The following SYDE2 variants were observed in gnomAD, a reference collection of about 807,000 sequenced individuals.
SYDE2 encodes rho GTPase-activating protein SYDE2.
A neutral mutation model predicts 91.5 loss-of-function variants in SYDE2; 76 were observed. That is an observed-to-expected ratio of 0.83 (90% CI 0.69 to 1.01). The LOEUF (loss-of-function observed/expected upper bound fraction) is 1.01. SYDE2 is among the 50% of genes least tolerant of loss of function. SYDE2 has a pLI of 0.00. For missense variants in SYDE2, 1,364 were observed against 1,367.7 expected, an observed-to-expected ratio of 1.00 and a Z score of 0.04; for synonymous variants, 513 against 506.4, an observed-to-expected ratio of 1.01 and a Z score of -0.18.
rs2100702020 is a variant in SYDE2 at position 85,200,426 on chromosome 1, G to C, written c.571C>G (p.Leu191Val). 6.2e-7 allele frequency: 1 copy of C among 1,614,040 alleles called. No individual in the cohort carries two copies. Among genetic ancestry groups the C allele is most frequent in the Non-Finnish European group, 8.5e-7 (1 of 1,179,912 alleles). ...LRPPAVTVKK[L>V]QKWMYKGRLL... ...CGCCCTTTGTACATCCACTTCTGCAGCTTCTTGACTGTCACTGCCGGCGGC... is the reference window on the plus strand; with the variant it reads ...CGCCCTTTGTACATCCACTTCTGCACCTTCTTGACTGTCACTGCCGGCGGC... Residue 191 changes from leucine (L) to valine (V), a missense_variant, in exon 1 of 7, where the codon CTG (leucine) becomes GTG (valine). By Grantham distance (32) the Leu-to-Val change is conservative (BLOSUM62 1). Transcript: ENST00000341460.
At chr1:85,175,616 T>G (rs573144354) in intron 4 of SYDE2, among the ~76,000 whole-genome samples, 2 of 152,320 alleles carry the variant, frequency 1.3e-5, no homozygotes, top group East Asian at 3.9e-4. Context: ...AAAAACACAT[T>G]AAACTGTGAA....
At chr1:85,173,688 T>A (rs1657585217) in intron 4 of SYDE2, among the ~76,000 whole-genome samples, 1 of 152,098 alleles carries the variant, frequency 6.6e-6, no homozygotes, top group African/African-American at 2.4e-5. Flanking sequence ...AAAATTTACA[T>A]TTGATGTCCA....
Position 85,164,602 on chromosome 1 carries a change from A to G in SYDE2, c.3009T>C (p.Asp1003=). Residue 1003 remains aspartate, a synonymous_variant, in exon 6 of 7, where the codon GAT becomes GAC. Coordinates refer to ENST00000341460, the MANE Select transcript of SYDE2 (RefSeq NM_032184.2). ...PSTHNNRVFT[D]SEELASALDF... ...CCAAAGCACTTGCAAGTTCTTCTGA[A>G]TCAGTAAAGACTCTGTTGTTATGGG... is the stretch of plus-strand genomic sequence containing the variant. 1.2e-6 allele frequency: 2 copies of G among 1,607,920 alleles called. No homozygotes were observed. The highest frequency in any genetic ancestry group is 1.7e-6 in the Non-Finnish European group (2 of 1,176,948).
chr1:85,186,227 T>A (rs946307249), intron 2 of SYDE2, among the ~76,000 whole-genome samples: 1 of 152,230 alleles, frequency 6.6e-6, no homozygotes, highest in Non-Finnish European at 1.5e-5. Context: ...TTTGCATCAA[T>A]GTTCATCAAG....
chr1:85,153,128 G>C (rs910540727), downstream of SYDE2: 3 of 152,304 alleles, frequency 2.0e-5, no homozygotes, highest in African/African-American at 7.2e-5. Context: ...GGCAAGAGCA[G>C]AGAGCCTCAG....
In SYDE2 at chr1:85,182,945, C is replaced by T; in HGVS notation, c.1697G>A (p.Cys566Tyr). The change falls in exon 3 of 7, where the codon TGC becomes TAC. Residue 566 changes from cysteine (C) to tyrosine (Y), a missense_variant. Physicochemically the swap from Cys to Tyr is radical, Grantham distance 194. Coordinates refer to ENST00000341460, the MANE Select transcript of SYDE2 (RefSeq NM_032184.2). ...AATATCAGTATGATGAACTTCTCGG[C>T]AGTTATATTTAGACAAAGAAGGAGT... ...DNTPSLSKYN[C>Y]REVHHTDILP... The T allele has an allele frequency of 6.2e-7, 1 of 1,613,806 alleles. No individual in the cohort carries two copies. The highest frequency in any genetic ancestry group is 1.1e-5 in the South Asian group (1 of 91,056).
intron 2 of SYDE2, among the ~76,000 whole-genome samples, chr1:85,189,713 GT>G (rs1342242527): frequency 1.3e-5 from 2 of 152,164 alleles, no homozygotes; most frequent in Non-Finnish European, 2.9e-5. Context: ...GCACGCACCT[GT>G]AGTCCTAGCT....
Position 85,200,905 on chromosome 1 carries a change from T to C in SYDE2, c.92A>G (p.Gln31Arg). The C allele has an allele frequency of 7.5e-7, 1 of 1,325,002 alleles. No individual in the cohort carries two copies. The highest frequency in any genetic ancestry group is 9.6e-7 in the Non-Finnish European group (1 of 1,046,490). The allele number at this position is 1,325,002 out of a possible 1,614,324, so 82.1% of individuals were successfully genotyped here. The change falls in exon 1 of 7, where the codon CAG becomes CGG. Residue 31 changes from glutamine to arginine, a missense_variant. Gln to Arg is a conservative substitution (Grantham distance 43). Coordinates refer to ENST00000341460, the MANE Select transcript of SYDE2 (RefSeq NM_032184.2). The part of the protein sequence containing the change: ...SFPAGARAPG[Q>R]PPSRGAAYRR... ...GTACGCGGCGCCGCGGGAAGGCGGC[T>C]GGCCCGGAGCCCGGGCTCCCGCGGG... is the stretch of plus-strand genomic sequence containing the variant.
chr1:85,189,966 ATAAC>A, intron 2 of SYDE2, 87 bp downstream of exon 2: 2 of 1,038,380 alleles, frequency 1.9e-6, no homozygotes, highest in South Asian at 3.5e-5. Context: ...GTACATGAAT[ATAAC>A]AAACATCTTT....
At chr1:85,200,071 G>T in intron 1 of SYDE2, 181 bp downstream of exon 1, 2 of 858,016 alleles carry the variant, frequency 2.3e-6, no homozygotes, top group Non-Finnish European at 2.8e-6. Context: ...AGCAAAACGA[G>T]TAAATGCATT....
At chr1:85,160,062 G>A (rs1657005115) in intron 6 of SYDE2, 2 of 983,344 alleles carry the variant, frequency 2.0e-6, no homozygotes. Context: ...AATATTTAAG[G>A]CTATTCTGTA....
chr1:85,165,895 A>C (rs1379841428), intron 5 of SYDE2, among the ~76,000 whole-genome samples: 1 of 119,222 alleles, frequency 8.4e-6, no homozygotes, highest in Non-Finnish European at 1.6e-5. Flanking sequence ...TTTTTTGGAG[A>C]CAGGGTCTCA....
intron 4 of SYDE2, among the ~76,000 whole-genome samples, chr1:85,176,213 T>G (rs1284343050): frequency 7.3e-6 from 1 of 136,592 alleles, no homozygotes; most frequent in Non-Finnish European, 1.5e-5. Flanking sequence ...AAATGAGTCT[T>G]TTGCTGATTT....
At chr1:85,169,463 C>T (rs76851066) in intron 4 of SYDE2, among the ~76,000 whole-genome samples, 208 of 152,288 alleles carry the variant, frequency 1.4e-3, no homozygotes, top group East Asian at 2.5e-3. Flanking sequence ...AGTTACCACA[C>T]GTTAGGTTTG....
At chr1:85,195,147 T>G (rs533268613) in intron 1 of SYDE2, among the ~76,000 whole-genome samples, 3 of 143,332 alleles carry the variant, frequency 2.1e-5, no homozygotes, top group Non-Finnish European at 3.0e-5. Context: ...GCAACAGAGC[T>G]AGACTCCATC....
chr1:85,156,864 CGAA>C (rs1557737212), downstream of SYDE2: 1 of 151,836 alleles, frequency 6.6e-6, no homozygotes, highest in East Asian at 1.9e-4. Context: ...TAGCATAACA[CGAA>C]GATTATAATA....
At chr1:85,161,359 A>G (rs1473893844) in intron 6 of SYDE2, among the ~76,000 whole-genome samples, 2 of 152,222 alleles carry the variant, frequency 1.3e-5, no homozygotes, top group East Asian at 3.8e-4. Flanking sequence ...TGTAAGAAAG[A>G]TGAAATAAAA....
chr1:85,195,558 TA>T, intron 1 of SYDE2, among the ~76,000 whole-genome samples: 1 of 149,758 alleles, frequency 6.7e-6, no homozygotes, highest in Admixed American at 6.6e-5. Context: ...TGGCTAGCAA[TA>T]AAAACCCTAA....
At chr1:85,195,347 C>T (rs1473195131) in intron 1 of SYDE2, among the ~76,000 whole-genome samples, 3 of 151,994 alleles carry the variant, frequency 2.0e-5, no homozygotes, top group Non-Finnish European at 4.4e-5. Context: ...TTATTAAAAT[C>T]CTGTTTCTAA....
Sources: gnomAD v4.1 joint callset for allele counts (sites outside exome capture counted in the v4.1 genomes callset) on GRCh38, gnomAD v4.1.1 for gene constraint, MANE v1.5 for transcripts, NCBI Gene and HGNC (gene_info 2026-07-23, HGNC 2026-07-21) for gene names.